Variants in ZNF618 observed in about 807,000 individuals in gnomAD.
ZNF618 encodes the protein neural precursor cell expressed, developmentally down-regulated 10.
Under a neutral mutation model 103.0 loss-of-function variants are expected in ZNF618, and 34 were observed. The ratio of observed to expected loss-of-function variants is 0.33; its 90% confidence interval spans 0.25 to 0.44. The LOEUF is 0.44. Ranked by LOEUF, ZNF618 falls within the 20% of genes least tolerant of loss-of-function variation. The probability of loss-of-function intolerance (pLI) is 1.00; values close to 1 mark genes in which losing one functional copy is unlikely to be tolerated. For synonymous variants in ZNF618, 551 were observed against 542.2 expected, an observed-to-expected ratio of 1.02 and a Z score of -0.23; for missense variants, 1,059 against 1,295.4, an observed-to-expected ratio of 0.82 and a Z score of 2.80.
At chr9:113,938,412 T>G (rs1188797405) in intron 1 of ZNF618, among the ~76,000 whole-genome samples, 1 of 151,838 alleles carries the variant, frequency 6.6e-6, no homozygotes, top group African/African-American at 2.4e-5. Flanking sequence ...AACTCCTGGC[T>G]TCAAGTGATT....
chr9:113,995,156 T>C (rs935275104), intron 3 of ZNF618, among the ~76,000 whole-genome samples: 2 of 152,096 alleles, frequency 1.3e-5, no homozygotes, highest in East Asian at 3.9e-4. Context: ...ATGTAAAATA[T>C]ATTTTTTATG....
In ZNF618 at chr9:114,049,347, T is replaced by G. The variant is rs1445045904; in HGVS notation, c.2045T>G (p.Phe682Cys). The G allele has an allele frequency of 1.2e-6, 2 of 1,610,536 alleles. No individual in the cohort carries two copies. Among genetic ancestry groups the G allele is most frequent in the African/African-American group, 1.3e-5 (1 of 74,874 alleles). ...AGSTGLAKET[F>C]GSLEETSPPP... The stretch of plus-strand genomic sequence containing the variant: ...TCCACGGGCCTGGCCAAGGAGACCT[T>G]CGGGTCGCTGGAGGAGACGTCTCCA... Residue 682 changes from phenylalanine (F) to cysteine (C), a missense_variant, in exon 15 of 15, where the codon TTC becomes TGC. This residue lies in a region of ZNF618 where 272 missense variants were observed against 380.1 expected (regional missense o/e 0.72). Transcript: ENST00000374126.
intron 13 of ZNF618, among the ~76,000 whole-genome samples, chr9:114,046,329 C>A (rs542430653): frequency 2.0e-4 from 31 of 152,134 alleles, no homozygotes; most frequent in Non-Finnish European, 4.0e-4. Context: ...TTTACTATAC[C>A]TTTTTTATGT....
intron 1 of ZNF618, among the ~76,000 whole-genome samples, chr9:113,940,347 T>C (rs1228375144): frequency 2.0e-5 from 3 of 152,146 alleles, no homozygotes; most frequent in African/African-American, 4.8e-5. Flanking sequence ...TAAGTACATA[T>C]AAAAATACAT....
chr9:113,896,720 CTAATATTA>C (rs1830069580), intron 1 of ZNF618, among the ~76,000 whole-genome samples: 1 of 151,904 alleles, frequency 6.6e-6, no homozygotes, highest in Non-Finnish European at 1.5e-5. Flanking sequence ...TTAATGTCTT[CTAATATTA>C]TAATATTTCT....
chr9:114,018,681 G>A (rs1467596988), intron 10 of ZNF618, among the ~76,000 whole-genome samples: 1 of 152,178 alleles, frequency 6.6e-6, no homozygotes, highest in Admixed American at 6.5e-5. Context: ...TTCCCTGACA[G>A]CCTGGTGCAT....
At chr9:114,032,245 C>T (rs1425449099) in intron 11 of ZNF618, among the ~76,000 whole-genome samples, 1 of 152,218 alleles carries the variant, frequency 6.6e-6, no homozygotes, top group East Asian at 1.9e-4. Context: ...CTATGCACTT[C>T]GGTGGGGCCC....
At chr9:113,921,012 G>A (rs377680112) in intron 1 of ZNF618, among the ~76,000 whole-genome samples, 3 of 152,332 alleles carry the variant, frequency 2.0e-5, no homozygotes, top group African/African-American at 7.2e-5. Flanking sequence ...GCTCCATCAG[G>A]TTAGGGGCAA....
rs1846327484 is a variant in ZNF618, at chr9:114,054,350, A to C, written c.*4183A>C. On this transcript the variant is annotated 3_prime_UTR_variant, in exon 15 of 15. Transcript: ENST00000374126. ...CCTGTGAGATGGCTCCATTGGGGACACTCCCCTCATCTTGTCATCACGATG... is the reference window on the plus strand; with the variant it reads ...CCTGTGAGATGGCTCCATTGGGGACCCTCCCCTCATCTTGTCATCACGATG... 2.6e-5 allele frequency: 4 copies of C among 151,802 alleles called. No individual in the cohort carries two copies. Among genetic ancestry groups the C allele is most frequent in the Admixed American group, 1.3e-4 (2 of 15,238 alleles). 9.4% of individuals were successfully genotyped at this position (151,802 alleles called of 1,614,324 possible).
intron 9 of ZNF618, among the ~76,000 whole-genome samples, chr9:114,008,892 TGGG>T (rs1269694551): frequency 6.6e-6 from 1 of 152,122 alleles, no homozygotes; most frequent in African/African-American, 2.4e-5. Flanking sequence ...ACAGGTTTGT[TGGG>T]GGATTAAATG....
At chr9:113,956,923 A>G (rs1455394916) in intron 1 of ZNF618, among the ~76,000 whole-genome samples, 1 of 152,236 alleles carries the variant, frequency 6.6e-6, no homozygotes, top group Non-Finnish European at 1.5e-5. Context: ...TGAGAGTTTT[A>G]TGTATTATGA....
chr9:113,980,960 G>A (rs1838918673), intron 2 of ZNF618, among the ~76,000 whole-genome samples: 2 of 152,222 alleles, frequency 1.3e-5, no homozygotes, highest in Non-Finnish European at 2.9e-5. Context: ...GAGCCGGCCT[G>A]CCAATATCAG....
At chr9:114,022,278 A>G (rs1404763136) in intron 10 of ZNF618, among the ~76,000 whole-genome samples, 2 of 152,128 alleles carry the variant, frequency 1.3e-5, no homozygotes, top group Admixed American at 1.3e-4. Flanking sequence ...TGCAGGCCTC[A>G]TAGAATTGGG....
intron 1 of ZNF618, among the ~76,000 whole-genome samples, chr9:113,951,515 G>GTGTGCACA (rs1564207712): frequency 2.7e-5 from 1 of 36,770 alleles, no homozygotes; most frequent in Admixed American, 3.4e-4. Flanking sequence ...ATATATGTGT[G>GTGTGCACA]TATATGTACA....
chr9:113,898,638 G>A (rs1175107691), intron 1 of ZNF618, among the ~76,000 whole-genome samples: 2 of 151,916 alleles, frequency 1.3e-5, no homozygotes, highest in Non-Finnish European at 2.9e-5. Flanking sequence ...TGTTGCCCAG[G>A]CTGGTCTCAA....
At chr9:114,029,107 A>T in intron 11 of ZNF618, 135 bp downstream of exon 11, 1 of 1,303,230 alleles carries the variant, frequency 7.7e-7, no homozygotes, top group Non-Finnish European at 1.0e-6. Context: ...GACAAATCTG[A>T]GTCCCAGCTC....
chr9:113,890,944 T>C (rs1829564018), intron 1 of ZNF618, among the ~76,000 whole-genome samples: 1 of 152,248 alleles, frequency 6.6e-6, no homozygotes, highest in Non-Finnish European at 1.5e-5. Flanking sequence ...CCCATTTTTC[T>C]CTTGCGGTGT....
chr9:114,037,461 C>G (rs7029461), intron 13 of ZNF618, among the ~76,000 whole-genome samples: 1 of 152,128 alleles, frequency 6.6e-6, no homozygotes, highest in Non-Finnish European at 1.5e-5. Context: ...GCCACTGTCC[C>G]GGGACAGTTG....
intron 13 of ZNF618, among the ~76,000 whole-genome samples, chr9:114,043,395 A>G (rs376602729): frequency 6.6e-6 from 1 of 152,162 alleles, no homozygotes; most frequent in African/African-American, 2.4e-5. Context: ...TACACCTTTT[A>G]TCATCTTCCT....
Sources: gnomAD v4.1 joint callset for allele counts (sites outside exome capture counted in the v4.1 genomes callset) on GRCh38, gnomAD v4.1.1 for gene constraint, gnomAD v4.1.1 regional missense constraint, MANE v1.5 for transcripts, NCBI Gene and HGNC (gene_info 2026-07-23, HGNC 2026-07-21) for gene names.